TMEM63C: variants seen among roughly 807,000 people sequenced by gnomAD.
The protein encoded by TMEM63C is transmembrane protein 63C.
TMEM63C carries 32 observed loss-of-function variants against 99.2 expected under a neutral mutation model. The observed-to-expected ratio is 0.32, with a 90% CI of 0.24 to 0.43. TMEM63C has a LOEUF of 0.43. TMEM63C is among the 20% of genes least tolerant of loss of function. The pLI is 1.00. For synonymous variants in TMEM63C, 376 were observed against 397.9 expected (o/e 0.94, Z 0.66); for missense variants, 826 against 1,053.0 (o/e 0.78, Z 2.98).
intron 21 of TMEM63C, among the ~76,000 whole-genome samples, chr14:77,251,184 C>T (rs1209379808): frequency 6.6e-6 from 1 of 152,146 alleles, no homozygotes; most frequent in Admixed American, 6.5e-5. Context: ...GTCAGTTCTC[C>T]GTGATTGGAT....
At chr14:77,248,649 G>T in intron 19 of TMEM63C, 118 bp from the exon 20 acceptor site, 2 of 1,493,498 alleles carry the variant, frequency 1.3e-6, no homozygotes, top group South Asian at 1.2e-5. Flanking sequence ...TTGGTCTACA[G>T]GGTTGGAAAG....
intron 21 of TMEM63C, chr14:77,251,583 T>G: frequency 1.7e-6 from 1 of 579,446 alleles, no homozygotes; most frequent in Non-Finnish European, 3.1e-6. Flanking sequence ...TAAAACATTT[T>G]TTCATGGACT....
At chr14:77,233,881 CAT>C (rs1459124687) in intron 8 of TMEM63C, among the ~76,000 whole-genome samples, 2 of 152,196 alleles carry the variant, frequency 1.3e-5, no homozygotes, top group Non-Finnish European at 2.9e-5. Context: ...CCGAGTGAAT[CAT>C]GTGCCTGACA....
chr14:77,215,715 C>T (rs1361683173), intron 2 of TMEM63C, among the ~76,000 whole-genome samples: 1 of 152,086 alleles, frequency 6.6e-6, no homozygotes, highest in Admixed American at 6.5e-5. Context: ...AGCATGTGTG[C>T]TGCCTTCCCT....
intron 5 of TMEM63C, among the ~76,000 whole-genome samples, chr14:77,223,513 C>T (rs923390980): frequency 3.3e-5 from 5 of 152,292 alleles, no homozygotes; most frequent in South Asian, 2.1e-4. Context: ...CACTCTGTCA[C>T]GTCAGCTGAG....
chr14:77,198,448 C>A (rs560732101), intron 1 of TMEM63C, among the ~76,000 whole-genome samples: 4 of 152,340 alleles, frequency 2.6e-5, no homozygotes, highest in Non-Finnish European at 5.9e-5. Context: ...CTGTATTTTC[C>A]CGTCTGTGAA....
At position 77,243,044 on chromosome 14, in the gene TMEM63C, C is replaced by G. The variant is rs372442995; in HGVS notation, c.1329C>G (p.Ile443Met). ...ACATGTACAACGTCACCCGCCCCAT[C>G]GAGAAGCTGCAGGTGCCTCCTCTGC... ...TIDMYNVTRP[I>M]EKLQNPIVTQ... The change falls in exon 15 of 24, where the codon ATC becomes ATG. Residue 443 changes from isoleucine to methionine, a missense_variant. Transcript: ENST00000298351. The G allele has an allele frequency of 5.6e-6, 9 of 1,613,648 alleles. No homozygotes were observed. The highest frequency in any genetic ancestry group is 5.0e-5 in the Admixed American group (3 of 59,998).
rs916279748 is a variant in TMEM63C at position 77,202,399 on chromosome 14, C to T, written c.-76-11047C>T. ...CTTCCCAGGGCCCTGCAACAAATTA[C>T]CACAAACTGTGTGGTTCTGAACAAC... is the stretch of plus-strand genomic sequence containing the variant. On this transcript the variant is annotated intron_variant, in intron 1 of 23. Transcript: ENST00000298351. Among the ~76,000 whole-genome samples, 5 of 152,056 alleles carry T rather than the reference C, an allele frequency of 3.3e-5. 1 individual carries two copies. The South Asian group carries it at 6.2e-4, about 19-fold the overall frequency.
At chr14:77,217,979 T>C (rs1283512503) in intron 2 of TMEM63C, among the ~76,000 whole-genome samples, 1 of 152,044 alleles carries the variant, frequency 6.6e-6, no homozygotes, top group Non-Finnish European at 1.5e-5. Context: ...ATGCTTAATA[T>C]GTACAAAAAA....
At chr14:77,252,745 G>C (rs1889390229) in intron 22 of TMEM63C, among the ~76,000 whole-genome samples, 1 of 152,222 alleles carries the variant, frequency 6.6e-6, no homozygotes, top group African/African-American at 2.4e-5. Flanking sequence ...TGGTGTCTCT[G>C]TCTGTGTCCA....
At chr14:77,185,107 C>T (rs543074651) in intron 1 of TMEM63C, among the ~76,000 whole-genome samples, 76 of 152,308 alleles carry the variant, frequency 5.0e-4, no homozygotes, top group African/African-American at 1.6e-3. Context: ...AAAGGGAAAC[C>T]GAAGCATAGA....
intron 1 of TMEM63C, among the ~76,000 whole-genome samples, chr14:77,199,128 TGCGTTATTAAGAA>T (rs1356215857): frequency 2.0e-5 from 3 of 152,116 alleles, no homozygotes; most frequent in Admixed American, 6.5e-5. Flanking sequence ...CCGGAGGAGC[TGCGTTATTAAGAA>T]GAATGGTCAG....
Position 77,216,779 on chromosome 14 carries a change from A to G in TMEM63C, c.-13-2022A>G, listed in dbSNP as rs192758883. On this transcript the variant is annotated intron_variant, in intron 2 of 23. Coordinates refer to ENST00000298351, the MANE Select transcript of TMEM63C (RefSeq NM_020431.4). ...CTCTCACCTCCACTGCGCCCATCCC[A>G]GTCCAGGCTACCATTGTCTCCTGCC... Among the ~76,000 whole-genome samples the G allele has an allele frequency of 2.4e-3, 369 of 152,202 alleles. 3 individuals are homozygous for G. The highest frequency in any genetic ancestry group is 8.4e-3 in the African/African-American group (350 of 41,530).
chr14:77,240,634 C>T, intron 13 of TMEM63C, 26 bp downstream of exon 13: 1 of 1,602,510 alleles, frequency 6.2e-7, no homozygotes, highest in Non-Finnish European at 8.5e-7. Context: ...GCGCCCCACC[C>T]AGCCCCAAGC....
intron 8 of TMEM63C, among the ~76,000 whole-genome samples, chr14:77,234,335 AG>A (rs1260377387): frequency 6.6e-6 from 1 of 152,182 alleles, no homozygotes; most frequent in East Asian, 1.9e-4. Context: ...ATGAGCGGAA[AG>A]GGGCTATGGC....
intron 5 of TMEM63C, among the ~76,000 whole-genome samples, chr14:77,223,636 T>A (rs1888764679): frequency 6.6e-6 from 1 of 150,606 alleles, no homozygotes; most frequent in Admixed American, 6.6e-5. Context: ...GGGGAGGGAG[T>A]GTGTGTGTGT....
At chr14:77,228,616 A>C (rs1888877143) in intron 6 of TMEM63C, among the ~76,000 whole-genome samples, 2 of 151,572 alleles carry the variant, frequency 1.3e-5, no homozygotes, top group Non-Finnish European at 1.5e-5. Flanking sequence ...AGCTCACTGC[A>C]ACCTCCGCCT....
chr14:77,231,906 C>G (rs573835032), intron 7 of TMEM63C, among the ~76,000 whole-genome samples, 176 bp downstream of exon 7: 1 of 152,226 alleles, frequency 6.6e-6, no homozygotes, highest in African/African-American at 2.4e-5. Context: ...AGACTGGAGA[C>G]GATTCCTCCT....
At chr14:77,188,246 C>T (rs1441694593) in intron 1 of TMEM63C, among the ~76,000 whole-genome samples, 2 of 152,222 alleles carry the variant, frequency 1.3e-5, no homozygotes, top group African/African-American at 4.8e-5. Flanking sequence ...GAGTCTATCT[C>T]TTCTGCTAGA....
Sources: allele counts gnomAD v4.1 joint callset (sites outside exome capture counted in the v4.1 genomes callset), GRCh38; gene constraint gnomAD v4.1.1; transcripts MANE v1.5; gene names NCBI Gene and HGNC (gene_info 2026-07-23, HGNC 2026-07-21).